The following ARHGAP39 variants were observed in gnomAD, a reference collection of about 807,000 sequenced individuals.
ARHGAP39 encodes rho GTPase-activating protein 39.
ARHGAP39 carries 44 observed loss-of-function variants against 106.9 expected under a neutral mutation model. The observed-to-expected ratio is 0.41, with a 90% confidence interval of 0.32 to 0.53. The LOEUF (loss-of-function observed/expected upper bound fraction) is 0.53, where lower values mean the gene tolerates loss of function less well. Among genes scored for constraint, ARHGAP39 ranks in the 20% least tolerant of loss-of-function variants. The pLI is 0.21. For missense variants in ARHGAP39, 1,496 were observed against 1,577.3 expected (o/e 0.95, Z 0.87); for synonymous variants, 768 against 693.2 (o/e 1.11, Z -1.69).
chr8:144,592,671 G>A (rs1006685002), intron 2 of ARHGAP39, among the ~76,000 whole-genome samples: 6 of 151,336 alleles, frequency 4.0e-5, no homozygotes, highest in African/African-American at 1.2e-4. Context: ...GGCACCTCCT[G>A]GGGGACAGCA....
At chr8:144,661,099 G>A (rs1008971946) in intron 1 of ARHGAP39, among the ~76,000 whole-genome samples, 1 of 152,174 alleles carries the variant, frequency 6.6e-6, no homozygotes, top group Admixed American at 6.5e-5. Flanking sequence ...TCTGGCTGCA[G>A]ACGGCCCTCT....
Position 144,532,355 on chromosome 8 carries a change from T to C in ARHGAP39, c.2930A>G (p.Gln977Arg). The C allele has an allele frequency of 6.2e-7, 1 of 1,612,246 alleles. No homozygotes were observed. The highest frequency in any genetic ancestry group is 1.7e-5 in the Admixed American group (1 of 59,916). The change falls in exon 10 of 12, where the codon CAG (glutamine) becomes CGG (arginine). Residue 977 changes from glutamine to arginine, a missense_variant. Around this residue, in one of 4 missense-constraint regions of ARHGAP39, gnomAD observed 470 missense variants for 605.1 expected, o/e 0.78. Transcript: ENST00000377307. The part of the protein sequence containing the change: ...DIDEVNALKL[Q>R]VDQWKVPTGL... The stretch of plus-strand genomic sequence containing the variant: ...TGTGGGCACCTTCCACTGGTCCACC[T>C]GCAGCTTCAGGGCATTCACCTCGTC...
chr8:144,532,173 T>C (rs1816750958), intron 10 of ARHGAP39, 132 bp downstream of exon 10: 10 of 758,592 alleles, frequency 1.3e-5, no homozygotes, highest in Non-Finnish European at 2.2e-5. Flanking sequence ...AGGGAGGATG[T>C]GCTAGAAGTG....
the ARHGAP39 span, among the ~76,000 whole-genome samples, chr8:144,699,959 AT>A: frequency 6.6e-6 from 1 of 152,018 alleles, no homozygotes; most frequent in African/African-American, 2.4e-5. Context: ...GTGCGGGATG[AT>A]TTACATTCTG....
At chr8:144,698,656 TAGTA>T in the ARHGAP39 span, 1 of 311,894 alleles carries the variant, frequency 3.2e-6, no homozygotes, top group East Asian at 1.1e-4. Flanking sequence ...GGCTCAGCTT[TAGTA>T]TTTTGCTAGG....
intron 4 of ARHGAP39, among the ~76,000 whole-genome samples, chr8:144,553,286 GTTCCCGCT>G (rs938656036): frequency 3.9e-5 from 6 of 152,186 alleles, no homozygotes; most frequent in African/African-American, 1.4e-4. Flanking sequence ...AGGAAGGTAA[GTTCCCGCT>G]TTCCAGAAGC....
At chr8:144,659,861 A>G (rs1821781589) in intron 1 of ARHGAP39, among the ~76,000 whole-genome samples, 1 of 151,966 alleles carries the variant, frequency 6.6e-6, no homozygotes, top group Admixed American at 6.6e-5. Flanking sequence ...TCTACATGCT[A>G]CCCTTTGAAC....
intron 1 of ARHGAP39, among the ~76,000 whole-genome samples, chr8:144,607,647 G>A (rs1820343434): frequency 6.6e-6 from 1 of 152,160 alleles, no homozygotes; most frequent in Non-Finnish European, 1.5e-5. Context: ...TCAAGCCCCA[G>A]AAGAGAGCAC....
chr8:144,591,736 A>G lies in ARHGAP39; in HGVS notation c.81-10459T>C, dbSNP rs750698555. ...GGGTCAGAACTCAGGACGCACACCAAGGACAGGACCACATGGACGCAGGTC... is the reference window on the plus strand; with the variant it reads ...GGGTCAGAACTCAGGACGCACACCAGGGACAGGACCACATGGACGCAGGTC... On this transcript the variant is annotated intron_variant, in intron 2 of 11. Coordinates refer to ENST00000377307, the MANE Select transcript of ARHGAP39 (RefSeq NM_025251.3). This position sits in a 1 kb window ranked among gnomAD's most constrained non-coding sequence, Gnocchi z 5.3. 2.0e-5 allele frequency among the ~76,000 whole-genome samples: 3 copies of G among 152,248 alleles called. No individual in the cohort carries two copies. Among genetic ancestry groups the G allele is most frequent in the African/African-American group, 4.8e-5 (2 of 41,466 alleles).
intron 3 of ARHGAP39, among the ~76,000 whole-genome samples, chr8:144,565,335 CACA>C (rs1290648607): frequency 3.3e-5 from 5 of 151,972 alleles, no homozygotes; most frequent in Admixed American, 2.0e-4. Flanking sequence ...AATTTGAAAG[CACA>C]ACAACAGAAA....
At position 144,548,050 on chromosome 8, in the gene ARHGAP39, G is replaced by A. The variant is rs1458128104; in HGVS notation, c.1036C>T (p.Gln346Ter). The A allele has an allele frequency of 6.2e-7, 1 of 1,600,306 alleles. No homozygotes were observed. Among genetic ancestry groups the A allele is most frequent in the East Asian group, 2.2e-5 (1 of 44,632 alleles). Reference protein sequence around the residue: ...AGGGYQAGSPQRSPGRKPRPF... With the variant: ...AGGGYQAGSP Reference sequence around the variant, plus strand: ...CGGGGCTTACGGCCCGGCGACCGCTGGGGAGAGCCGGCCTGGTAGCCCCCG... The same window carrying A: ...CGGGGCTTACGGCCCGGCGACCGCTAGGGAGAGCCGGCCTGGTAGCCCCCG... Residue 346 changes from glutamine to a stop codon, truncating the protein, a stop_gained, in exon 5 of 12, where the codon CAG becomes TAG. Coordinates refer to ENST00000377307, the MANE Select transcript of ARHGAP39 (RefSeq NM_025251.3). LOFTEE classifies it high-confidence loss of function. This position sits in a 1 kb window ranked among gnomAD's most constrained non-coding sequence, Gnocchi z 7.4.
chr8:144,534,689 A>C (rs1327695596), intron 7 of ARHGAP39, among the ~76,000 whole-genome samples: 1 of 152,222 alleles, frequency 6.6e-6, no homozygotes, highest in African/African-American at 2.4e-5. Context: ...CTGCACAGCA[A>C]GCCCAGCTCT....
At chr8:144,579,095 G>A (rs1025208794) in intron 3 of ARHGAP39, among the ~76,000 whole-genome samples, 6 of 151,134 alleles carry the variant, frequency 4.0e-5, no homozygotes, top group East Asian at 1.9e-4. Flanking sequence ...CCAGCTACTC[G>A]GGAGGCTGAG....
Position 144,555,586 on chromosome 8 carries a change from A to C in ARHGAP39, c.570T>G (p.Ser190Arg), listed in dbSNP as rs777220584. ...EKDYEIYRDY[S>R]ADGQLLHYRT... ...TGTAGTGAAGAAGCTGGCCGTCCGC[A>C]CTGTAATCCCGGTAAATCTCATAGT... Residue 190 changes from serine to arginine, a missense_variant, in exon 4 of 12, where the codon AGT becomes AGG. Ser to Arg is a moderately radical substitution (Grantham distance 110). Transcript: ENST00000377307. The C allele has an allele frequency of 1.9e-6, 3 of 1,614,076 alleles. No homozygotes were observed. The East Asian group carries it at 6.7e-5, about 36-fold the overall frequency.
chr8:144,672,234 G>A (rs772287866), intron 1 of ARHGAP39, among the ~76,000 whole-genome samples: 10 of 152,202 alleles, frequency 6.6e-5, no homozygotes, highest in Non-Finnish European at 8.8e-5. Flanking sequence ...GTCAGATTCC[G>A]GGGAAACTTA....
chr8:144,581,983 TC>T (rs143362067), intron 2 of ARHGAP39, among the ~76,000 whole-genome samples: 4,502 of 151,782 alleles, frequency 0.03, 118 homozygotes, highest in Admixed American at 0.067. Context: ...GACCCATGCA[TC>T]CGTCTCTTAA....
intron 4 of ARHGAP39, 106 bp downstream of exon 4, chr8:144,555,454 G>A: frequency 2.0e-6 from 2 of 995,314 alleles, no homozygotes; most frequent in South Asian, 2.6e-5. Flanking sequence ...CTCTGGGTCT[G>A]TGGTGTTGCT....
At position 144,656,807 on chromosome 8, in the gene ARHGAP39, C is replaced by CAAAAAAAAA. The variant is rs35058065; in HGVS notation, c.-82+28870_-82+28878dup. Among the ~76,000 whole-genome samples, 13 of 42,336 alleles carry CAAAAAAAAA rather than the reference C, an allele frequency of 3.1e-4. 1 individual carries two copies. Among genetic ancestry groups the CAAAAAAAAA allele is most frequent in the Non-Finnish European group, 4.1e-4 (10 of 24,226 alleles). The allele number at this position is 42,336 out of a possible 152,430, so 27.8% of individuals were successfully genotyped here. A position where few individuals can be genotyped will look rare whatever the true frequency, so the allele number is the denominator to read the frequency against. On this transcript the variant is annotated intron_variant, in intron 1 of 11. Transcript: ENST00000377307. Reference sequence around the variant, plus strand: ...TGGATGACAGAGCAAGACTCCATCTCAAAAAAAAAAAAAAAAAAAAAAAAA... The same window carrying CAAAAAAAAA: ...TGGATGACAGAGCAAGACTCCATCTCAAAAAAAAAAAAAAAAAAAAAAAAAAAAAAAAAA...
At chr8:144,535,321 T>C (rs1185233880) in intron 7 of ARHGAP39, among the ~76,000 whole-genome samples, 4 of 152,136 alleles carry the variant, frequency 2.6e-5, no homozygotes, top group Non-Finnish European at 5.9e-5. Flanking sequence ...GGAACCAAAA[T>C]GAATTTTTTT....
Sources: gnomAD v4.1 joint callset for allele counts (sites outside exome capture counted in the v4.1 genomes callset) on GRCh38, gnomAD v4.1.1 for gene constraint, gnomAD v4.1.1 regional missense constraint, Gnocchi (gnomAD v3.1) non-coding constraint, MANE v1.5 for transcripts, NCBI Gene and HGNC (gene_info 2026-07-23, HGNC 2026-07-21) for gene names.